DUS2: variants seen among roughly 807,000 people sequenced by gnomAD.
The protein encoded by DUS2 is tRNA-dihydrouridine(20) synthase [NAD(P)+]-like.
In DUS2, 52 loss-of-function variants were observed where a neutral mutation model predicts 71.3. The observed-to-expected ratio is 0.73, with a 90% confidence interval of 0.58 to 0.92. The LOEUF (loss-of-function observed/expected upper bound fraction) is 0.92, where lower values mean the gene tolerates loss of function less well. Among genes scored for constraint, DUS2 ranks in the 40% least tolerant of loss-of-function variants. The pLI is 0.00. For missense variants in DUS2, 558 were observed against 622.6 expected (o/e 0.90, Z 1.10); for synonymous variants, 204 against 227.8 (o/e 0.90, Z 0.94).
chr16:68,039,156 C>T (rs1220826052), intron 3 of DUS2, among the ~76,000 whole-genome samples: 1 of 151,766 alleles, frequency 6.6e-6, no homozygotes. Flanking sequence ...TGTGTGTTGG[C>T]GCATAGGAAT....
At chr16:68,026,397 G>C (rs186889919) in intron 2 of DUS2, among the ~76,000 whole-genome samples, 1 of 152,148 alleles carries the variant, frequency 6.6e-6, no homozygotes, top group Admixed American at 6.6e-5. Context: ...AATAAAAAGT[G>C]CTATTGGTAT....
chr16:68,027,538 C>T (rs973045017), intron 2 of DUS2, among the ~76,000 whole-genome samples: 6 of 152,208 alleles, frequency 3.9e-5, no homozygotes, highest in Non-Finnish European at 5.9e-5. Context: ...CCACCTCACC[C>T]GGCTGCCATT....
At chr16:68,051,005 T>C (rs2033771090) in intron 4 of DUS2, among the ~76,000 whole-genome samples, 1 of 152,218 alleles carries the variant, frequency 6.6e-6, no homozygotes, top group Non-Finnish European at 1.5e-5. Flanking sequence ...AACCTTCTCA[T>C]CTGTTTAGTG....
At position 68,079,022 on chromosome 16, in the gene DUS2, T is replaced by G; in HGVS notation, c.*36T>G. 6.6e-7 allele frequency: 1 copy of G among 1,505,282 alleles called. No individual in the cohort carries two copies. 93.2% of individuals were successfully genotyped at this position (1,505,282 alleles called of 1,614,324 possible). On this transcript the variant is annotated 3_prime_UTR_variant, in exon 17 of 17. Coordinates refer to ENST00000565263, the MANE Select transcript of DUS2 (RefSeq NM_017803.5). ...TGCCTTAGTCACCCCTCCATGGGCC[T>G]GGTGCTAAGGTGGCTGTGGATGCCA...
At chr16:68,060,354 A>G (rs117725305) in intron 7 of DUS2, among the ~76,000 whole-genome samples, 1 of 152,198 alleles carries the variant, frequency 6.6e-6, no homozygotes, top group East Asian at 1.9e-4. Flanking sequence ...TGCCCTGTCA[A>G]CCAGGCTAGG....
intron 2 of DUS2, among the ~76,000 whole-genome samples, chr16:68,031,886 G>T (rs1276710812): frequency 6.6e-6 from 1 of 151,944 alleles, no homozygotes; most frequent in Non-Finnish European, 1.5e-5. Flanking sequence ...GTAGAGACAG[G>T]GTTTCATCAT....
At chr16:68,045,567 C>G (rs1043880726) in intron 3 of DUS2, among the ~76,000 whole-genome samples, 1 of 150,804 alleles carries the variant, frequency 6.6e-6, no homozygotes, top group East Asian at 2.0e-4. Context: ...GCCGAGATCA[C>G]GCCACTGCAC....
chr16:68,046,502 C>T (rs1444342337), intron 3 of DUS2, among the ~76,000 whole-genome samples: 1 of 152,084 alleles, frequency 6.6e-6, no homozygotes, highest in Non-Finnish European at 1.5e-5. Context: ...TCTCAGCCTC[C>T]CCAGTAGCTG....
At chr16:68,078,559 C>T (rs373859055) in intron 16 of DUS2, 41 bp downstream of exon 16, 70 of 1,599,364 alleles carry the variant, frequency 4.4e-5, no homozygotes, top group African/African-American at 2.0e-4. Flanking sequence ...TGGGGTGGGG[C>T]GGAGAGTGGG....
chr16:68,049,601 G>A, intron 4 of DUS2, 51 bp downstream of exon 4: 1 of 1,565,804 alleles, frequency 6.4e-7, no homozygotes, highest in Non-Finnish European at 8.8e-7. Flanking sequence ...CTGGGCTCAA[G>A]CAGCACTACC....
At chr16:68,076,984 C>T (rs749618201) in intron 15 of DUS2, among the ~76,000 whole-genome samples, 3 of 151,692 alleles carry the variant, frequency 2.0e-5, no homozygotes, top group African/African-American at 2.4e-5. Flanking sequence ...CAGCCGGGCA[C>T]GGTGGCTCAT....
chr16:68,060,975 C>T (rs138077233), intron 7 of DUS2, 91 bp from the exon 8 acceptor site: 21,767 of 1,281,040 alleles, frequency 0.017, 237 homozygotes, highest in Non-Finnish European at 0.021. Flanking sequence ...AAGTGAGTGC[C>T]GGGGTGACGC....
chr16:68,049,742 A>G (rs2033752952), intron 4 of DUS2, among the ~76,000 whole-genome samples, 192 bp downstream of exon 4: 2 of 152,180 alleles, frequency 1.3e-5, no homozygotes, highest in South Asian at 4.1e-4. Flanking sequence ...ACAGGCTGAG[A>G]GTGCCTTTCA....
chr16:68,054,502 G>A, intron 5 of DUS2, 72 bp from the exon 6 acceptor site: 1 of 1,525,588 alleles, frequency 6.6e-7, no homozygotes, highest in South Asian at 1.1e-5. Flanking sequence ...TGTGTGTGCT[G>A]CATGGGTGTG....
chr16:68,057,036 TG>T lies in DUS2; in HGVS notation c.369+613del, dbSNP rs1598311119. 8.9e-5 allele frequency among the ~76,000 whole-genome samples: 12 copies of T among 134,350 alleles called. No homozygotes were observed. In the East Asian group the frequency reaches 2.4e-3, roughly 27 times the overall value. The allele number at this position is 134,350 out of a possible 152,430, so 88.1% of individuals were successfully genotyped here. On this transcript the variant is annotated intron_variant, in intron 7 of 16. Coordinates refer to ENST00000565263, the MANE Select transcript of DUS2 (RefSeq NM_017803.5). ...TAATTATATAATACATATAAATATA[TG>T]TAATATATATTTATATATATATGTA...
At chr16:68,039,059 G>A (rs1016592138) in intron 3 of DUS2, among the ~76,000 whole-genome samples, 5 of 151,726 alleles carry the variant, frequency 3.3e-5, no homozygotes, top group Admixed American at 6.6e-5. Context: ...TATAAAAAAT[G>A]TACAAAAGAA....
chr16:68,038,601 G>A (rs374068105), intron 3 of DUS2, among the ~76,000 whole-genome samples: 4 of 151,730 alleles, frequency 2.6e-5, no homozygotes, highest in South Asian at 4.2e-4. Flanking sequence ...GTAGTGTTAC[G>A]TGCCTGTAGT....
chr16:68,056,530 A>T, intron 7 of DUS2, 106 bp downstream of exon 7: 2 of 854,936 alleles, frequency 2.3e-6, no homozygotes, highest in Non-Finnish European at 3.8e-6. Context: ...TCTGTACTAG[A>T]TGGGGAAAAT....
intron 2 of DUS2, among the ~76,000 whole-genome samples, chr16:68,033,248 C>T (rs1197346032): frequency 1.3e-5 from 2 of 151,994 alleles, no homozygotes; most frequent in African/African-American, 2.4e-5. Context: ...CAGTTGTGGC[C>T]ATTGGCATGT....
Sources: gnomAD v4.1 joint callset for allele counts (sites outside exome capture counted in the v4.1 genomes callset) on GRCh38, gnomAD v4.1.1 for gene constraint, MANE v1.5 for transcripts, NCBI Gene and HGNC (gene_info 2026-07-23, HGNC 2026-07-21) for gene names.